The following COL5A1 variants were observed in gnomAD, a reference collection of about 807,000 sequenced individuals.
COL5A1 encodes the protein collagen type V alpha 1 chain.
A neutral mutation model predicts 263.7 loss-of-function variants in COL5A1; 16 were observed. The observed-to-expected ratio is 0.06, with a 90% CI of 0.04 to 0.09. The LOEUF (loss-of-function observed/expected upper bound fraction) is 0.09, where lower values mean the gene tolerates loss of function less well. COL5A1 is among the 10% of genes least tolerant of loss of function. The pLI, the probability that COL5A1 is intolerant of heterozygous loss-of-function variation, is 1.00. For missense variants in COL5A1, 2,036 were observed against 2,540.5 expected, an observed-to-expected ratio of 0.80 and a Z score of 4.27; for synonymous variants, 1,012 against 1,004.5, an observed-to-expected ratio of 1.01 and a Z score of -0.14.
intron 27 of COL5A1, among the ~76,000 whole-genome samples, chr9:134,778,536 C>A (rs949818139): frequency 2.6e-5 from 4 of 152,224 alleles, no homozygotes; most frequent in Non-Finnish European, 1.5e-5. Context: ...GAGTCGGCCT[C>A]CCTGCTTGGG....
intron 14 of COL5A1, among the ~76,000 whole-genome samples, 183 bp downstream of exon 14, chr9:134,752,828 C>A (rs1835834143): frequency 6.6e-6 from 1 of 151,938 alleles, no homozygotes; most frequent in South Asian, 2.1e-4. Context: ...TGCTCCAGCC[C>A]CCTTGTTGGT....
chr9:134,807,383 T>C (rs1192458034), intron 42 of COL5A1, among the ~76,000 whole-genome samples: 1 of 152,178 alleles, frequency 6.6e-6, no homozygotes, highest in Non-Finnish European at 1.5e-5. Flanking sequence ...GACCTCCACC[T>C]CCTGGGTTCA....
intron 65 of COL5A1, among the ~76,000 whole-genome samples, chr9:134,839,200 A>G (rs1395706586): frequency 6.6e-6 from 1 of 152,194 alleles, no homozygotes; most frequent in Non-Finnish European, 1.5e-5. Context: ...GAGAGGCACA[A>G]ATCACCTGCA....
chr9:134,782,533 C>G (rs772482570), intron 28 of COL5A1, 134 bp from the exon 29 acceptor site: 2 of 846,648 alleles, frequency 2.4e-6, no homozygotes, highest in South Asian at 2.7e-5. Context: ...CCAAGCCCAC[C>G]CCGTCCGGGC....
At position 134,678,509 on chromosome 9, in the gene COL5A1, C is replaced by T. The variant is rs919465794; in HGVS notation, c.110-12403C>T. On this transcript the variant is annotated intron_variant, in intron 1 of 65. Transcript: ENST00000371817. The surrounding 1 kb of genome is among the most constrained non-coding windows in gnomAD (Gnocchi z 5.5). ...GGCAGGTGTGTTGGCTGGTGCCAGC[C>T]CCGGGAAGCTGTCTGCATCCCTGCA... Among the ~76,000 whole-genome samples, 9 of 152,222 alleles carry T rather than the reference C, an allele frequency of 5.9e-5. No homozygotes were observed. Among genetic ancestry groups the T allele is most frequent in the African/African-American group, 2.2e-4 (9 of 41,464 alleles).
chr9:134,669,275 CCCTTCCCTT>C, intron 1 of COL5A1, among the ~76,000 whole-genome samples: 1 of 105,762 alleles, frequency 9.5e-6, no homozygotes, highest in South Asian at 4.2e-4. Flanking sequence ...CCCTTCCCTT[CCCTTCCCTT>C]CCCTTCCCTC....
intron 65 of COL5A1, 136 bp downstream of exon 65, chr9:134,835,340 G>A (rs1839816242): frequency 1.3e-6 from 1 of 751,286 alleles, no homozygotes; most frequent in Non-Finnish European, 2.2e-6. Flanking sequence ...CTCGCCCCAG[G>A]CAGCCCCACA....
At chr9:134,771,452 G>A (rs1050815233) in intron 25 of COL5A1, among the ~76,000 whole-genome samples, 1 of 152,194 alleles carries the variant, frequency 6.6e-6, no homozygotes, top group Non-Finnish European at 1.5e-5. Context: ...GGTCCCGCAG[G>A]TGCCTGGACT....
chr9:134,654,202 GTTTGTAGAGCTGGT>G (rs1831813398), intron 1 of COL5A1, among the ~76,000 whole-genome samples: 2 of 129,972 alleles, frequency 1.5e-5, no homozygotes, highest in East Asian at 2.7e-4. Flanking sequence ...AGGGCTGGAG[GTTTGTAGAGCTGGT>G]GTGTGTAGGG....
intron 18 of COL5A1, among the ~76,000 whole-genome samples, chr9:134,759,460 C>T (rs1836157426): frequency 8.9e-6 from 1 of 111,964 alleles, no homozygotes; most frequent in Non-Finnish European, 1.7e-5. Context: ...CACACTCATA[C>T]ATGCACGCAC....
In COL5A1 at chr9:134,789,566, A is replaced by G. The variant is rs2132785247; in HGVS notation, c.2700+358A>G. Among the ~76,000 whole-genome samples the G allele has an allele frequency of 6.6e-6, 1 of 152,326 alleles. No individual in the cohort carries two copies. The highest frequency in any genetic ancestry group is 1.9e-4 in the East Asian group (1 of 5,184). Reference sequence around the variant, plus strand: ...TCCAAGCTAATTTTAAAAGGAAGGGAAAAAGGAGATTGTTTTTTCCCTTCA... The same window carrying G: ...TCCAAGCTAATTTTAAAAGGAAGGGGAAAAGGAGATTGTTTTTTCCCTTCA... On this transcript the variant is annotated intron_variant, in intron 32 of 65. Coordinates refer to ENST00000371817, the MANE Select transcript of COL5A1 (RefSeq NM_000093.5). This position sits in a 1 kb window ranked among gnomAD's most constrained non-coding sequence, Gnocchi z 4.8.
In COL5A1 at chr9:134,743,984, C is replaced by T. The variant is rs554698236; in HGVS notation, c.1494+5176C>T. ...GTGATGCCCTGCTATGCCATCCCCT[C>T]CCCATGGCCTGCTGGTGCTACACCC... On this transcript the variant is annotated intron_variant, in intron 11 of 65. Transcript: ENST00000371817. Among the ~76,000 whole-genome samples the T allele has an allele frequency of 2.0e-5, 3 of 152,288 alleles. No homozygotes were observed. The East Asian group carries it at 5.8e-4, about 29-fold the overall frequency.
At position 134,765,643 on chromosome 9, in the gene COL5A1, GCC is replaced by G. The variant is rs1245170572; in HGVS notation, c.2035-36_2035-35del. On this transcript the variant is annotated intron_variant, in intron 20 of 65. Transcript: ENST00000371817. This position sits in a 1 kb window ranked among gnomAD's most constrained non-coding sequence, Gnocchi z 5.1. ...GACAGAGAGGAGGGCTGGGATTTCT[GCC>G]CGAGTTTAAATCCTATTTTCCCTTT... is the stretch of plus-strand genomic sequence containing the variant. The G allele has an allele frequency of 6.3e-7, 1 of 1,593,074 alleles. No individual in the cohort carries two copies. Among genetic ancestry groups the G allele is most frequent in the South Asian group, 1.1e-5 (1 of 90,582 alleles).
At position 134,765,720 on chromosome 9, in the gene COL5A1, C is replaced by T; in HGVS notation, c.2074C>T (p.Pro692Ser). Reference sequence around the variant, plus strand: ...GCTTGGGCCGAAGGGGCCCCCAGGTCCTCCCGGACCTCCCGTAAGTCCCAT... The same window carrying T: ...GCTTGGGCCGAAGGGGCCCCCAGGTTCTCCCGGACCTCCCGTAAGTCCCAT... The part of the protein sequence containing the change: ...GLLGPKGPPG[P>S]PGPPGVTGMD... Residue 692 changes from proline to serine, a missense_variant, in exon 21 of 66, where the codon CCT becomes TCT. Pro to Ser is a moderately conservative substitution (Grantham distance 74). This residue lies in a region of COL5A1 where 1,078 missense variants were observed against 1,521.4 expected (regional missense o/e 0.71). Coordinates refer to ENST00000371817, the MANE Select transcript of COL5A1 (RefSeq NM_000093.5). This position sits in a 1 kb window ranked among gnomAD's most constrained non-coding sequence, Gnocchi z 5.1. 6.2e-7 allele frequency: 1 copy of T among 1,613,226 alleles called. No individual in the cohort carries two copies. The highest frequency in any genetic ancestry group is 8.5e-7 in the Non-Finnish European group (1 of 1,179,466).
At chr9:134,763,106 G>A (rs970525816) in intron 19 of COL5A1, among the ~76,000 whole-genome samples, 1 of 152,144 alleles carries the variant, frequency 6.6e-6, no homozygotes, top group African/African-American at 2.4e-5. Context: ...CCATGTGTGT[G>A]TAGGCATGTG....
At chr9:134,660,059 A>G (rs1404640259) in intron 1 of COL5A1, among the ~76,000 whole-genome samples, 1 of 152,224 alleles carries the variant, frequency 6.6e-6, no homozygotes, top group Non-Finnish European at 1.5e-5. Flanking sequence ...GAGCTGGAAT[A>G]GCATCACAAA....
At chr9:134,747,879 G>A (rs1835602184) in intron 11 of COL5A1, among the ~76,000 whole-genome samples, 1 of 112,354 alleles carries the variant, frequency 8.9e-6, no homozygotes, top group African/African-American at 3.4e-5. Context: ...GCAGACACAT[G>A]CACACATGCA....
At chr9:134,744,765 GCTCA>G (rs1564426301) in intron 11 of COL5A1, among the ~76,000 whole-genome samples, 1 of 146,522 alleles carries the variant, frequency 6.8e-6, no homozygotes, top group African/African-American at 2.5e-5. Flanking sequence ...TCATGCACAT[GCTCA>G]CTCATACATG....
rs984499889 is a variant in COL5A1, at chr9:134,780,245, G to A, written c.2430+99G>A. 1.8e-4 allele frequency: 212 copies of A among 1,173,716 alleles called. 2 individuals are homozygous for A. The Admixed American group carries it at 3.5e-3, about 20-fold the overall frequency. The allele number at this position is 1,173,716 out of a possible 1,614,324, so 72.7% of individuals were successfully genotyped here. ...CAATGCTTCTTCCATGAAACCAGCT[G>A]AGGTGGATGTCGCCTCTGAGTACTG... On this transcript the variant is annotated intron_variant, in intron 28 of 65. Coordinates refer to ENST00000371817, the MANE Select transcript of COL5A1 (RefSeq NM_000093.5).
Sources: allele counts gnomAD v4.1 joint callset (sites outside exome capture counted in the v4.1 genomes callset), GRCh38; gene constraint gnomAD v4.1.1; regional missense constraint gnomAD v4.1.1; non-coding constraint Gnocchi (gnomAD v3.1); transcripts MANE v1.5; gene names NCBI Gene and HGNC (gene_info 2026-07-23, HGNC 2026-07-21).